MYO3B: variants seen among roughly 807,000 people sequenced by gnomAD.
MYO3B encodes the protein myosin-IIIb.
A neutral mutation model predicts 174.6 loss-of-function variants in MYO3B; 156 were observed. That is an observed-to-expected ratio of 0.89 (90% CI 0.78 to 1.02). The LOEUF (loss-of-function observed/expected upper bound fraction) is 1.02, where lower values mean the gene tolerates loss of function less well. MYO3B is among the 50% of genes least tolerant of loss of function. MYO3B has a pLI of 0.00. For missense variants in MYO3B, 1,632 were observed against 1,639.4 expected (o/e 1.00, Z 0.08); for synonymous variants, 563 against 569.1 (o/e 0.99, Z 0.15).
chr2:170,282,168 A>C (rs959335513), intron 7 of MYO3B, among the ~76,000 whole-genome samples: 9 of 152,122 alleles, frequency 5.9e-5, no homozygotes, highest in Non-Finnish European at 1.3e-4. Context: ...TTAGTCATAA[A>C]ATCTTTGCCT....
intron 7 of MYO3B, among the ~76,000 whole-genome samples, chr2:170,286,061 C>T (rs2093554171): frequency 6.6e-6 from 1 of 152,188 alleles, no homozygotes; most frequent in South Asian, 2.1e-4. Flanking sequence ...ATCTGTTTGA[C>T]AATCCTTGTG....
intron 23 of MYO3B, among the ~76,000 whole-genome samples, chr2:170,446,754 A>G (rs1225645239): frequency 6.6e-6 from 1 of 152,192 alleles, no homozygotes; most frequent in African/African-American, 2.4e-5. Flanking sequence ...CAAAAGGTTT[A>G]TGGCTGAGAC....
chr2:170,531,259 G>T (rs1575123603), intron 30 of MYO3B, among the ~76,000 whole-genome samples: 2 of 152,258 alleles, frequency 1.3e-5, no homozygotes, highest in Admixed American at 1.3e-4. Flanking sequence ...AGATTTCTCT[G>T]TAGGTCCTGG....
At chr2:170,345,831 A>G (rs1163577103) in intron 8 of MYO3B, among the ~76,000 whole-genome samples, 3 of 151,218 alleles carry the variant, frequency 2.0e-5, no homozygotes, top group Non-Finnish European at 4.4e-5. Flanking sequence ...ATGTGTACAC[A>G]GACAAACAGA....
intron 23 of MYO3B, among the ~76,000 whole-genome samples, chr2:170,450,230 A>T (rs1220079460): frequency 6.6e-6 from 1 of 152,238 alleles, no homozygotes; most frequent in African/African-American, 2.4e-5. Context: ...TTCATATTTG[A>T]CAGTGTTTCC....
chr2:170,601,786 G>A (rs1421022010), intron 32 of MYO3B: 1 of 1,307,104 alleles, frequency 7.7e-7, no homozygotes, highest in East Asian at 2.3e-5. Context: ...CAGCTTTGCA[G>A]CCTTCTTTTC....
chr2:170,596,961 A>C (rs1694190350), intron 32 of MYO3B, among the ~76,000 whole-genome samples: 1 of 152,138 alleles, frequency 6.6e-6, no homozygotes, highest in Non-Finnish European at 1.5e-5. Flanking sequence ...TTTTCTGCTT[A>C]GGCGGGAAAA....
intron 16 of MYO3B, among the ~76,000 whole-genome samples, chr2:170,393,966 G>C (rs2094430153): frequency 6.6e-6 from 1 of 152,184 alleles, no homozygotes; most frequent in Non-Finnish European, 1.5e-5. Flanking sequence ...CCCCAGAAGA[G>C]TTAAAGCATG....
intron 25 of MYO3B, among the ~76,000 whole-genome samples, chr2:170,497,940 T>G (rs1239163052): frequency 1.2e-5 from 1 of 85,140 alleles, no homozygotes; most frequent in Admixed American, 1.7e-4. Context: ...AGTGAAATTC[T>G]GCCTCAGAAA....
At chr2:170,186,669 A>G (rs1333264540) in intron 1 of MYO3B, among the ~76,000 whole-genome samples, 2 of 152,130 alleles carry the variant, frequency 1.3e-5, no homozygotes, top group African/African-American at 2.4e-5. Flanking sequence ...CTCCTCCTCT[A>G]TTTTTCAGAA....
chr2:170,328,398 G>GAACA (rs1295873174), intron 7 of MYO3B, among the ~76,000 whole-genome samples: 9 of 152,058 alleles, frequency 5.9e-5, no homozygotes, highest in African/African-American at 2.2e-4. Context: ...GGCCCACAGA[G>GAACA]CATTATTCAT....
intron 29 of MYO3B, among the ~76,000 whole-genome samples, chr2:170,518,976 G>A (rs1490743253): frequency 7.2e-5 from 11 of 152,140 alleles, no homozygotes; most frequent in Non-Finnish European, 7.4e-5. Flanking sequence ...GTGGAAATAG[G>A]TTACTCCTGG....
At chr2:170,247,834 A>G (rs1232214881) in intron 7 of MYO3B, among the ~76,000 whole-genome samples, 4 of 152,226 alleles carry the variant, frequency 2.6e-5, no homozygotes, top group Admixed American at 2.6e-4. Context: ...CCCATTTCCT[A>G]CAACAATCAC....
chr2:170,386,298 T>C lies in MYO3B; in HGVS notation c.1374+26T>C. The stretch of plus-strand genomic sequence containing the variant: ...GTATTGACTAATCTGCTTTACGTAT[T>C]GTGGCGAGAAGTTCCTACAGAGTAA... On this transcript the variant is annotated intron_variant, in intron 13 of 34. Transcript: ENST00000408978. The C allele has an allele frequency of 2.5e-6, 4 of 1,594,920 alleles. No homozygotes were observed. The South Asian group carries it at 3.3e-5, about 13-fold the overall frequency.
chr2:170,383,775 T>C lies in MYO3B; in HGVS notation c.1251T>C (p.Asp417=), dbSNP rs760844066. 6.2e-7 allele frequency: 1 copy of C among 1,613,822 alleles called. No homozygotes were observed. The highest frequency in any genetic ancestry group is 1.1e-5 in the South Asian group (1 of 91,076). ...CCCCCCACATATTTGCATCAGCAGA[T>C]GCTGCTTACCAGTGCATGGTTACTC... ...SNPPHIFASA[D]AAYQCMVTLS... The change falls in exon 12 of 35, where the codon GAT becomes GAC. Residue 417 remains aspartate (D), a synonymous_variant. Coordinates refer to ENST00000408978, the MANE Select transcript of MYO3B (RefSeq NM_138995.5).
At chr2:170,543,741 A>T in intron 31 of MYO3B, 151 bp from the exon 32 acceptor site, 1 of 488,234 alleles carries the variant, frequency 2.0e-6, no homozygotes, top group Non-Finnish European at 3.6e-6. Context: ...AATTCTATGT[A>T]AGATGGGAGC....
At chr2:170,389,099 G>C (rs542508057) in intron 14 of MYO3B, among the ~76,000 whole-genome samples, 1 of 152,292 alleles carries the variant, frequency 6.6e-6, no homozygotes, top group South Asian at 2.1e-4. Context: ...GTGATATGTT[G>C]CTTATTAATG....
At chr2:170,241,911 G>C (rs2093138860) in intron 7 of MYO3B, among the ~76,000 whole-genome samples, 1 of 152,030 alleles carries the variant, frequency 6.6e-6, no homozygotes. Context: ...GTCTCTGCCT[G>C]CTCCTCCGCT....
At chr2:170,558,344 T>C (rs76336976) in intron 32 of MYO3B, among the ~76,000 whole-genome samples, 2,572 of 151,310 alleles carry the variant, frequency 0.017, 64 homozygotes, top group East Asian at 0.087. Context: ...GACAGTATAA[T>C]AAATTATTAT....
Sources: allele counts gnomAD v4.1 joint callset (sites outside exome capture counted in the v4.1 genomes callset), GRCh38; gene constraint gnomAD v4.1.1; transcripts MANE v1.5; gene names NCBI Gene and HGNC (gene_info 2026-07-23, HGNC 2026-07-21).